The following AFG1L variants were observed in gnomAD, a reference collection of about 807,000 sequenced individuals.
AFG1L encodes AFG1 like ATPase, also known as AFG1-like ATPase.
A neutral mutation model predicts 62.2 loss-of-function variants in AFG1L; 53 were observed. The observed-to-expected ratio is 0.85, with a 90% confidence interval of 0.68 to 1.07. AFG1L has a LOEUF of 1.07. Ranked by LOEUF, AFG1L falls within the 50% of genes least tolerant of loss-of-function variation. The probability of loss-of-function intolerance (pLI) is 0.00; values close to 1 mark genes in which losing one functional copy is unlikely to be tolerated. For missense variants in AFG1L, 555 were observed against 590.5 expected, an observed-to-expected ratio of 0.94 and a Z score of 0.62; for synonymous variants, 228 against 210.3, an observed-to-expected ratio of 1.08 and a Z score of -0.73.
chr6:108,517,185 G>A (rs1443351451), intron 11 of AFG1L, among the ~76,000 whole-genome samples: 3 of 152,156 alleles, frequency 2.0e-5, no homozygotes, highest in Admixed American at 6.5e-5. Flanking sequence ...AAAAGAGCCC[G>A]CATTGCCAAG....
chr6:108,345,008 T>C, intron 2 of AFG1L: 1 of 321,288 alleles, frequency 3.1e-6, no homozygotes, highest in Non-Finnish European at 6.1e-6. Context: ...TCAGGGGCCC[T>C]CTACATTTCC....
At chr6:108,325,441 T>C (rs76551202) in intron 2 of AFG1L, among the ~76,000 whole-genome samples, 2 of 149,598 alleles carry the variant, frequency 1.3e-5, no homozygotes, top group Non-Finnish European at 3.0e-5. Flanking sequence ...GTTTTGCCTT[T>C]TTTTTTTTTT....
At chr6:108,299,229 C>G (rs1381255400) in intron 1 of AFG1L, among the ~76,000 whole-genome samples, 1 of 151,068 alleles carries the variant, frequency 6.6e-6, no homozygotes, top group Non-Finnish European at 1.5e-5. Flanking sequence ...CCACTGCGCT[C>G]CAGCCTGGGG....
intron 8 of AFG1L, among the ~76,000 whole-genome samples, chr6:108,454,926 A>G (rs1267387489): frequency 1.3e-5 from 2 of 152,122 alleles, no homozygotes; most frequent in Admixed American, 1.3e-4. Flanking sequence ...GGAGTGAGCC[A>G]CCGTGCCTGA....
At chr6:108,352,067 T>G (rs1582420639) in intron 3 of AFG1L, among the ~76,000 whole-genome samples, 1 of 152,186 alleles carries the variant, frequency 6.6e-6, no homozygotes, top group East Asian at 1.9e-4. Flanking sequence ...TCAGAACATT[T>G]TTATCTTCCC....
chr6:108,333,792 C>G (rs1290538224), intron 2 of AFG1L, among the ~76,000 whole-genome samples: 2 of 151,956 alleles, frequency 1.3e-5, no homozygotes, highest in African/African-American at 2.4e-5. Flanking sequence ...GTGGCTAATA[C>G]TGAGGAGGAA....
At chr6:108,406,025 T>C (rs1421096580) in intron 7 of AFG1L, among the ~76,000 whole-genome samples, 1 of 152,266 alleles carries the variant, frequency 6.6e-6, no homozygotes, top group Non-Finnish European at 1.5e-5. Context: ...GTTTATCCGT[T>C]CACCTGCCAA....
intron 1 of AFG1L, among the ~76,000 whole-genome samples, chr6:108,302,135 C>T (rs1052054074): frequency 2.6e-5 from 4 of 152,080 alleles, no homozygotes; most frequent in East Asian, 3.9e-4. Context: ...TTAGTAGAGG[C>T]GGGGTTTCAC....
intron 1 of AFG1L, among the ~76,000 whole-genome samples, chr6:108,312,592 T>C (rs1387337897): frequency 6.6e-6 from 1 of 152,004 alleles, no homozygotes; most frequent in Non-Finnish European, 1.5e-5. Flanking sequence ...AGAATATCAA[T>C]ACAATAAAGA....
intron 10 of AFG1L, among the ~76,000 whole-genome samples, chr6:108,499,990 T>C (rs1774124098): frequency 6.6e-6 from 1 of 152,070 alleles, no homozygotes; most frequent in African/African-American, 2.4e-5. Context: ...GTCTATTTTT[T>C]CATCTTTATG....
intron 6 of AFG1L, among the ~76,000 whole-genome samples, chr6:108,377,976 A>G (rs1458717886): frequency 6.6e-6 from 1 of 151,452 alleles, no homozygotes; most frequent in African/African-American, 2.4e-5. Flanking sequence ...TGGTTGCATT[A>G]CATAATCCCA....
intron 11 of AFG1L, among the ~76,000 whole-genome samples, chr6:108,511,156 TAGGAGGAAGGAAGA>T (rs1001572743): frequency 2.4e-5 from 2 of 82,994 alleles, no homozygotes; most frequent in African/African-American, 9.8e-5. Flanking sequence ...AGGAGGGAGG[TAGGAGGAAGGAAGA>T]AGGAAGAAGG....
Position 108,364,219 on chromosome 6 carries a change from C to T in AFG1L, c.649-2014C>T, listed in dbSNP as rs138117122. Among the ~76,000 whole-genome samples the T allele has an allele frequency of 6.0e-3, 921 of 152,280 alleles. 28 individuals carry two copies. The highest frequency in any genetic ancestry group is 0.051 in the Admixed American group (779 of 15,286). On this transcript the variant is annotated intron_variant, in intron 5 of 12. Transcript: ENST00000368977. ...CTTATACTGTAAAATTACCGTTCCC[C>T]GGCAAGGCCGAACAAGTGCGGGGAC...
intron 7 of AFG1L, among the ~76,000 whole-genome samples, chr6:108,438,358 C>A (rs910290484): frequency 6.6e-6 from 1 of 152,142 alleles, no homozygotes; most frequent in African/African-American, 2.4e-5. Flanking sequence ...TGTGTTTTCA[C>A]ATGGCCTTTC....
At chr6:108,400,600 T>TATTTATATATAATAATTTATATAAAATA (rs1781527094) in intron 6 of AFG1L, among the ~76,000 whole-genome samples, 2 of 135,096 alleles carry the variant, frequency 1.5e-5, no homozygotes, top group South Asian at 4.3e-4. Flanking sequence ...ATAATTTATA[T>TATTTATATATAATAATTTATATAAAATA]ATTTATATAT....
At chr6:108,416,010 G>C (rs1168849299) in intron 7 of AFG1L, among the ~76,000 whole-genome samples, 2 of 152,288 alleles carry the variant, frequency 1.3e-5, no homozygotes, top group East Asian at 1.9e-4. Flanking sequence ...GGAAATTTTT[G>C]CAATCTACTC....
chr6:108,410,871 A>C (rs1782067773), intron 7 of AFG1L, among the ~76,000 whole-genome samples: 1 of 152,144 alleles, frequency 6.6e-6, no homozygotes, highest in African/African-American at 2.4e-5. Flanking sequence ...AGCAATGCAG[A>C]AGACGGGTGA....
intron 7 of AFG1L, among the ~76,000 whole-genome samples, chr6:108,408,918 T>C (rs1781982632): frequency 6.6e-6 from 1 of 152,216 alleles, no homozygotes. Context: ...AAAAGACAGT[T>C]GTGGGCACAG....
intron 6 of AFG1L, among the ~76,000 whole-genome samples, chr6:108,392,856 T>C (rs549192574): frequency 1.2e-4 from 19 of 152,208 alleles, no homozygotes; most frequent in Admixed American, 1.1e-3. Flanking sequence ...TAAATCGATA[T>C]GTATATATAT....
Sources: gnomAD v4.1 joint callset for allele counts (sites outside exome capture counted in the v4.1 genomes callset) on GRCh38, gnomAD v4.1.1 for gene constraint, MANE v1.5 for transcripts, NCBI Gene and HGNC (gene_info 2026-07-23, HGNC 2026-07-21) for gene names.